Variants in UNC13C observed in about 807,000 individuals in gnomAD.
The protein encoded by UNC13C is protein unc-13 homolog C.
UNC13C carries 174 observed loss-of-function variants against 245.4 expected under a neutral mutation model. The observed-to-expected ratio is 0.71, with a 90% CI of 0.63 to 0.80. The LOEUF is 0.80. Ranked by LOEUF, UNC13C falls within the 30% of genes least tolerant of loss-of-function variation. UNC13C has a pLI of 0.00. For synonymous variants in UNC13C, 992 were observed against 895.1 expected, an observed-to-expected ratio of 1.11 and a Z score of -1.93; for missense variants, 2,829 against 2,602.9, an observed-to-expected ratio of 1.09 and a Z score of -1.89.
chr15:54,403,913 T>C lies in UNC13C; in HGVS notation c.4847+10732T>C, dbSNP rs61645349. Among the ~76,000 whole-genome samples the C allele has an allele frequency of 3.8e-3, 573 of 152,140 alleles. 28 individuals are homozygous for C. The East Asian group carries it at 0.082, about 22-fold the overall frequency. ...GCTTTATGGTACAAGAGAACCTAAG[T>C]ACAAAAGGAAAAATTTCTACCACAG... is the stretch of plus-strand genomic sequence containing the variant. On this transcript the variant is annotated intron_variant, in intron 18 of 32. Transcript: ENST00000260323.
chr15:53,907,196 A>C, the UNC13C span, among the ~76,000 whole-genome samples: 1 of 152,196 alleles, frequency 6.6e-6, no homozygotes, highest in East Asian at 1.9e-4. Flanking sequence ...ATGAACTACC[A>C]AACATCCTTA....
chr15:54,377,499 CTG>C (rs2039631470), intron 17 of UNC13C, among the ~76,000 whole-genome samples: 1 of 152,180 alleles, frequency 6.6e-6, no homozygotes, highest in African/African-American at 2.4e-5. Flanking sequence ...TAAGCAGTAA[CTG>C]TATATTTTGA....
rs201768944 is a variant in UNC13C at position 54,611,991 on chromosome 15, ATC to A, written c.6107-10333_6107-10332del. Among the ~76,000 whole-genome samples, 601 of 152,244 alleles carry A rather than the reference ATC, an allele frequency of 3.9e-3. 7 individuals are homozygous for A. Among genetic ancestry groups the A allele is most frequent in the East Asian group, 7.7e-3 (40 of 5,184 alleles). ...CAACTGTTGCACTGATCACATGGAT[ATC>A]TCATTTAATGATTTACTCAGCAATT... On this transcript the variant is annotated intron_variant, in intron 30 of 32. Coordinates refer to ENST00000260323, the MANE Select transcript of UNC13C (RefSeq NM_001080534.3).
rs1395820544 is a variant in UNC13C, at chr15:54,372,580, T to G, written c.4714-20468T>G. On this transcript the variant is annotated intron_variant, in intron 17 of 32. Coordinates refer to ENST00000260323, the MANE Select transcript of UNC13C (RefSeq NM_001080534.3). Reference sequence around the variant, plus strand: ...ACATGTAAATATTTATATACTTTATTATCTAATCTTGTTTTTAAATTGGTA... The same window carrying G: ...ACATGTAAATATTTATATACTTTATGATCTAATCTTGTTTTTAAATTGGTA... 2.0e-5 allele frequency among the ~76,000 whole-genome samples: 3 copies of G among 152,232 alleles called. No homozygotes were observed. In the East Asian group the frequency reaches 5.8e-4, roughly 29 times the overall value.
intron 19 of UNC13C, among the ~76,000 whole-genome samples, chr15:54,415,493 C>T (rs1470011898): frequency 6.6e-6 from 1 of 152,102 alleles, no homozygotes; most frequent in Non-Finnish European, 1.5e-5. Flanking sequence ...GAGGTCTTCA[C>T]CCGAAACTCC....
chr15:54,108,429 C>T (rs777071041), intron 2 of UNC13C, among the ~76,000 whole-genome samples: 23 of 152,112 alleles, frequency 1.5e-4, no homozygotes, highest in South Asian at 4.1e-4. Flanking sequence ...CCTCATGATC[C>T]GCCCGCTTTG....
Position 54,015,797 on chromosome 15 carries a change from C to G in UNC13C, c.2894C>G (p.Pro965Arg). 1 of 1,611,852 alleles carries G rather than the reference C, an allele frequency of 6.2e-7. No individual in the cohort carries two copies. Among genetic ancestry groups the G allele is most frequent in the Non-Finnish European group, 8.5e-7 (1 of 1,178,838 alleles). The change falls in exon 2 of 33, where the codon CCA becomes CGA. Residue 965 changes from proline (P) to arginine (R), a missense_variant. Pro to Arg is a moderately radical substitution (Grantham distance 103, BLOSUM62 -2). Coordinates refer to ENST00000260323, the MANE Select transcript of UNC13C (RefSeq NM_001080534.3). Reference protein sequence around the residue: ...IPEQPVEITKPKRIRPSFKEA... With the variant: ...IPEQPVEITKRKRIRPSFKEA... ...GAACAGCCAGTGGAGATCACAAAGC[C>G]AAAGAGAATTCGTCCTTCTTTCAAA...
rs1405506912 is a variant in UNC13C at position 54,014,343 on chromosome 15, C to G, written c.1440C>G (p.Ser480=). 3.7e-6 allele frequency: 6 copies of G among 1,613,692 alleles called. No homozygotes were observed. Among genetic ancestry groups the G allele is most frequent in the Non-Finnish European group, 5.1e-6 (6 of 1,179,804 alleles). Residue 480 remains serine (S), a synonymous_variant, in exon 2 of 33, where the codon TCC becomes TCG. Transcript: ENST00000260323. ...KSELLTKGST[S]KPSSKSHSAR... is the part of the protein sequence containing the mutation. ...AGCTTCTAACAAAGGGAAGTACTTC[C>G]AAGCCAAGCTCAAAATCACACAGTG...
At chr15:54,617,216 A>G (rs1262159915) in intron 30 of UNC13C, among the ~76,000 whole-genome samples, 1 of 152,142 alleles carries the variant, frequency 6.6e-6, no homozygotes, top group East Asian at 1.9e-4. Flanking sequence ...GAAAATCTTA[A>G]GATAGCTAGG....
chr15:54,219,092 A>G (rs1290843919), intron 4 of UNC13C, among the ~76,000 whole-genome samples: 1 of 151,674 alleles, frequency 6.6e-6, no homozygotes, highest in African/African-American at 2.4e-5. Flanking sequence ...GAATTTGAAA[A>G]AACTACTTTA....
chr15:54,132,553 A>C (rs1342709632), intron 2 of UNC13C, among the ~76,000 whole-genome samples: 1 of 152,218 alleles, frequency 6.6e-6, no homozygotes, highest in East Asian at 1.9e-4. Context: ...TTAATAATTC[A>C]CAAGACAGTT....
At chr15:54,557,653 G>A (rs771176889) in intron 29 of UNC13C, among the ~76,000 whole-genome samples, 7 of 151,752 alleles carry the variant, frequency 4.6e-5, no homozygotes, top group Non-Finnish European at 8.8e-5. Flanking sequence ...AGGAGCAGAC[G>A]CTACCCATGC....
chr15:54,345,667 G>A (rs1255926149), intron 17 of UNC13C, among the ~76,000 whole-genome samples: 2 of 152,118 alleles, frequency 1.3e-5, no homozygotes, highest in African/African-American at 4.8e-5. Context: ...TTGACTAATA[G>A]AACTTCAGTT....
chr15:54,576,711 C>T (rs1897969826), intron 30 of UNC13C, among the ~76,000 whole-genome samples: 3 of 152,196 alleles, frequency 2.0e-5, no homozygotes, highest in Admixed American at 2.0e-4. Flanking sequence ...CTGTCTCCCT[C>T]TTCTCCCCTC....
chr15:54,473,471 T>C (rs928759575), intron 19 of UNC13C, among the ~76,000 whole-genome samples: 16 of 151,886 alleles, frequency 1.1e-4, no homozygotes, highest in Non-Finnish European at 1.8e-4. Flanking sequence ...TTTGTAACTT[T>C]ATGTTTGCAC....
At chr15:53,899,564 C>G in the UNC13C span, among the ~76,000 whole-genome samples, 1 of 152,078 alleles carries the variant, frequency 6.6e-6, no homozygotes, top group African/African-American at 2.4e-5. Context: ...CCAAAATGAG[C>G]GCTTAGCTGA....
intron 10 of UNC13C, among the ~76,000 whole-genome samples, chr15:54,277,137 T>G (rs868784938): frequency 1.3e-4 from 20 of 152,284 alleles, no homozygotes; most frequent in African/African-American, 4.6e-4. Flanking sequence ...CATTATGATA[T>G]GAACTCAGAT....
intron 8 of UNC13C, among the ~76,000 whole-genome samples, chr15:54,257,090 GAAAT>G (rs1178648503): frequency 1.3e-5 from 2 of 152,288 alleles, no homozygotes; most frequent in African/African-American, 2.4e-5. Context: ...TGAAAAAATA[GAAAT>G]AAATCTTGTT....
rs1356336394 is a variant in UNC13C at position 54,043,965 on chromosome 15, AT to A, written c.2983+28080del. On this transcript the variant is annotated intron_variant, in intron 2 of 32. Transcript: ENST00000260323. Reference sequence around the variant, plus strand: ...TAAAATCCACCCTTTTAAAGTGTAAATAAAATTCAATAATTTTTAGCATATT... The same window carrying A: ...TAAAATCCACCCTTTTAAAGTGTAAAAAAATTCAATAATTTTTAGCATATT... Among the ~76,000 whole-genome samples the A allele has an allele frequency of 2.6e-5, 4 of 152,356 alleles. No individual in the cohort carries two copies. In the East Asian group the frequency reaches 7.7e-4, roughly 29 times the overall value.
Sources: gnomAD v4.1 joint callset for allele counts (sites outside exome capture counted in the v4.1 genomes callset) on GRCh38, gnomAD v4.1.1 for gene constraint, MANE v1.5 for transcripts, NCBI Gene and HGNC (gene_info 2026-07-23, HGNC 2026-07-21) for gene names.